The following AMOTL1 variants were observed in gnomAD, a reference collection of about 807,000 sequenced individuals.
AMOTL1 encodes angiomotin like 1, also known as angiomotin-like protein 1.
AMOTL1 carries 45 observed loss-of-function variants against 102.9 expected under a neutral mutation model. The ratio of observed to expected loss-of-function variants is 0.44; its 90% CI spans 0.34 to 0.56. The LOEUF (loss-of-function observed/expected upper bound fraction) is 0.56, where lower values mean the gene tolerates loss of function less well. AMOTL1 is among the 20% of genes least tolerant of loss of function. The pLI is 0.01. For synonymous variants in AMOTL1, 481 were observed against 484.7 expected (o/e 0.99, Z 0.10); for missense variants, 1,114 against 1,225.6 (o/e 0.91, Z 1.36).
intron 1 of AMOTL1, among the ~76,000 whole-genome samples, chr11:94,792,005 C>G (rs1249252373): frequency 6.6e-6 from 1 of 152,182 alleles, no homozygotes; most frequent in Non-Finnish European, 1.5e-5. Context: ...GACTCTGTGA[C>G]TCACATTACT....
At chr11:94,737,222 T>C (rs1157719055) in intron 2 of AMOTL1, among the ~76,000 whole-genome samples, 1 of 152,226 alleles carries the variant, frequency 6.6e-6, no homozygotes, top group Non-Finnish European at 1.5e-5. Flanking sequence ...GCAACGCTCT[T>C]CATAGGGGTA....
chr11:94,789,965 T>C (rs1336188202), intron 1 of AMOTL1, among the ~76,000 whole-genome samples: 4 of 151,886 alleles, frequency 2.6e-5, no homozygotes, highest in African/African-American at 7.3e-5. Flanking sequence ...CACCTGGGAG[T>C]TGTTCTGCAG....
At chr11:94,777,037 A>T (rs1951034870) in intron 1 of AMOTL1, among the ~76,000 whole-genome samples, 1 of 152,262 alleles carries the variant, frequency 6.6e-6, no homozygotes, top group Non-Finnish European at 1.5e-5. Flanking sequence ...GCAGAAAAAC[A>T]CATGTAAAAC....
rs189663860 is a variant in AMOTL1 at position 94,834,250 on chromosome 11, G to C, written c.1648+2709G>C. On this transcript the variant is annotated intron_variant, in intron 6 of 12. Transcript: ENST00000433060. ...CATCCTTTTCAAGTGAGTTTTTTTTGGGATTCTAGCACTTGGTTAGAAGAA... is the reference window on the plus strand; with the variant it reads ...CATCCTTTTCAAGTGAGTTTTTTTTCGGATTCTAGCACTTGGTTAGAAGAA... Among the ~76,000 whole-genome samples, 4 of 151,962 alleles carry C rather than the reference G, an allele frequency of 2.6e-5. No individual in the cohort carries two copies. In the East Asian group the frequency reaches 7.7e-4, roughly 29 times the overall value.
At chr11:94,771,266 G>GGA (rs567385941) in intron 1 of AMOTL1, among the ~76,000 whole-genome samples, 1 of 144,422 alleles carries the variant, frequency 6.9e-6, no homozygotes, top group Non-Finnish European at 1.5e-5. Context: ...GGTTGGGGGG[G>GGA]GGGTGCGGTG....
chr11:94,719,589 A>T (rs11020923), intron 1 of AMOTL1, among the ~76,000 whole-genome samples: 12,872 of 88,758 alleles, frequency 0.15, 683 homozygotes, highest in East Asian at 0.3. Context: ...TGTGTGTGTG[A>T]GAGAGAGAGA....
intron 2 of AMOTL1, 83 bp downstream of exon 2, chr11:94,795,243 T>C (rs2135561166): frequency 6.7e-7 from 1 of 1,492,994 alleles, no homozygotes. Flanking sequence ...ATAATTCAGA[T>C]GTTTATTCTC....
intron 3 of AMOTL1, among the ~76,000 whole-genome samples, chr11:94,757,874 C>T (rs908169695): frequency 6.6e-6 from 1 of 152,108 alleles, no homozygotes; most frequent in South Asian, 2.1e-4. Context: ...CCAGCCTGAC[C>T]AACATGGTGA....
At chr11:94,760,004 C>A (rs1208567714) in intron 3 of AMOTL1, among the ~76,000 whole-genome samples, 1 of 152,208 alleles carries the variant, frequency 6.6e-6, no homozygotes, top group African/African-American at 2.4e-5. Context: ...CCAGGCCTAC[C>A]AAATCAGAAA....
intron 1 of AMOTL1, among the ~76,000 whole-genome samples, chr11:94,724,431 G>A (rs1378552700): frequency 6.6e-6 from 1 of 152,162 alleles, no homozygotes; most frequent in African/African-American, 2.4e-5. Flanking sequence ...TCTGGCGAGG[G>A]AGTGAGCTCC....
rs1441677627 is a variant in AMOTL1 at position 94,864,740 on chromosome 11, C to T, written c.2141C>T (p.Thr714Ile). 8.1e-6 allele frequency: 13 copies of T among 1,613,120 alleles called. No homozygotes were observed. The highest frequency in any genetic ancestry group is 1.3e-5 in the African/African-American group (1 of 74,906). Residue 714 changes from threonine to isoleucine, a missense_variant, in exon 10 of 13, where the codon ACC becomes ATC. Coordinates refer to ENST00000433060, the MANE Select transcript of AMOTL1 (RefSeq NM_130847.3). ...AAATAAAERD[T>I]TIINHSRNGS... ...GCATATCCTTGTGTTGCCAGGGACA[C>T]CACGATCATCAACCACTCACGGAAT...
intron 1 of AMOTL1, among the ~76,000 whole-genome samples, chr11:94,724,920 T>C (rs547329422): frequency 6.6e-6 from 1 of 152,258 alleles, no homozygotes; most frequent in Admixed American, 6.5e-5. Flanking sequence ...GCTACCTGAT[T>C]CCCCAGACAT....
At chr11:94,779,487 T>G (rs1230344427) in intron 1 of AMOTL1, among the ~76,000 whole-genome samples, 2 of 152,192 alleles carry the variant, frequency 1.3e-5, no homozygotes, top group East Asian at 1.9e-4. Flanking sequence ...GATTCCAAAA[T>G]AGACAGTAAC....
At chr11:94,714,568 G>A (rs7111545) in intron 1 of AMOTL1, among the ~76,000 whole-genome samples, 150,219 of 152,218 alleles carry the variant, frequency 0.99, 74,147 homozygotes, top group Middle Eastern at 1. Flanking sequence ...TAGTTGTAGA[G>A]CTGTTCAGAT....
chr11:94,734,578 G>A (rs1950407431), intron 2 of AMOTL1, among the ~76,000 whole-genome samples: 1 of 152,186 alleles, frequency 6.6e-6, no homozygotes, highest in African/African-American at 2.4e-5. Context: ...TAAGAGACAA[G>A]GATAACAGAA....
rs533274316 is a variant in AMOTL1, at chr11:94,809,263, G to A, written c.1121+8952G>A. Among the ~76,000 whole-genome samples the A allele has an allele frequency of 3.3e-5, 5 of 152,156 alleles. No individual in the cohort carries two copies. In the East Asian group the frequency reaches 5.8e-4, roughly 18 times the overall value. On this transcript the variant is annotated intron_variant, in intron 3 of 12. Coordinates refer to ENST00000433060, the MANE Select transcript of AMOTL1 (RefSeq NM_130847.3). ...TGGGATTACAAGCATGAGCCACTGC[G>A]CCTGGCCCTAAGTCTTCAAGTTCTG...
chr11:94,760,930 T>TTTTTTA (rs1228879582), intron 3 of AMOTL1, among the ~76,000 whole-genome samples: 2 of 151,982 alleles, frequency 1.3e-5, no homozygotes, highest in Non-Finnish European at 2.9e-5. Context: ...ACCTGGTCAA[T>TTTTTTA]TTTTTATTTT....
At position 94,795,033 on chromosome 11, in the gene AMOTL1, C is replaced by G. The variant is rs371472262; in HGVS notation, c.72C>G (p.Ser24Arg). Reference sequence around the variant, plus strand: ...CAGGGTCCCCTTCTGCTTGTTATAGCCCCAGTAGTCCTGTCCAGGTTCTAG... The same window carrying G: ...CAGGGTCCCCTTCTGCTTGTTATAGGCCCAGTAGTCCTGTCCAGGTTCTAG... Reference protein sequence around the residue: ...AVKGSPSACYSPSSPVQVLED... With the variant: ...AVKGSPSACYRPSSPVQVLED... The change falls in exon 2 of 13, where the codon AGC (serine) becomes AGG (arginine). Residue 24 changes from serine to arginine, a missense_variant. Transcript: ENST00000433060. 5 of 1,612,548 alleles carry G rather than the reference C, an allele frequency of 3.1e-6. No individual in the cohort carries two copies. The African/African-American group carries it at 5.4e-5, about 17-fold the overall frequency.
chr11:94,741,701 G>A (rs1254892036), intron 3 of AMOTL1, among the ~76,000 whole-genome samples: 1 of 152,048 alleles, frequency 6.6e-6, no homozygotes, highest in Admixed American at 6.5e-5. Flanking sequence ...ATTCTCACTC[G>A]GTGGCTTAGT....
Sources: allele counts gnomAD v4.1 joint callset (sites outside exome capture counted in the v4.1 genomes callset), GRCh38; gene constraint gnomAD v4.1.1; transcripts MANE v1.5; gene names NCBI Gene and HGNC (gene_info 2026-07-23, HGNC 2026-07-21).